CENPS: variants seen among roughly 807,000 people sequenced by gnomAD.
CENPS encodes FANCM associated histone fold protein 1.
A neutral mutation model predicts 17.9 loss-of-function variants in CENPS; 16 were observed. That is an observed-to-expected ratio of 0.90 (90% CI 0.61 to 1.36). The LOEUF (loss-of-function observed/expected upper bound fraction) is 1.36. Ranked by LOEUF, CENPS falls within the 40% of genes most tolerant of loss-of-function variation. CENPS has a pLI of 0.00. For missense variants in CENPS, 160 were observed against 158.6 expected (o/e 1.01, Z -0.05); for synonymous variants, 49 against 55.8 (o/e 0.88, Z 0.54).
intron 2 of CENPS, among the ~76,000 whole-genome samples, 190 bp from the exon 3 acceptor site, chr1:10,434,467 G>A (rs918576942): frequency 7.9e-5 from 12 of 152,200 alleles, no homozygotes; most frequent in African/African-American, 2.4e-4. Flanking sequence ...CAAGGAGATC[G>A]TCATGAATAA....
chr1:10,436,718 AAAAG>A (rs1218394364), intron 3 of CENPS, among the ~76,000 whole-genome samples: 2 of 112,260 alleles, frequency 1.8e-5, no homozygotes, highest in Non-Finnish European at 1.9e-5. Flanking sequence ...TAAAAAAAAA[AAAAG>A]AAAAGAAAAG....
At chr1:10,434,074 A>C (rs990011526) in intron 2 of CENPS, 109 bp downstream of exon 2, 5 of 1,548,798 alleles carry the variant, frequency 3.2e-6, no homozygotes, top group Non-Finnish European at 3.5e-6. Context: ...CAGACCAAGA[A>C]TATTATCATC....
intron 3 of CENPS, among the ~76,000 whole-genome samples, chr1:10,438,364 C>T (rs552151613): frequency 3.3e-5 from 5 of 152,236 alleles, no homozygotes; most frequent in East Asian, 1.9e-4. Context: ...AGTCTGGCCT[C>T]GAACTCCTGA....
intron 1 of CENPS, chr1:10,431,312 T>G: frequency 6.5e-7 from 1 of 1,535,172 alleles, no homozygotes; most frequent in Non-Finnish European, 8.7e-7. Context: ...CGCGGGAGTT[T>G]CCTCTCTACA....
At chr1:10,433,667 C>T (rs1159427638) in intron 1 of CENPS, among the ~76,000 whole-genome samples, 175 bp from the exon 2 acceptor site, 2 of 152,146 alleles carry the variant, frequency 1.3e-5, no homozygotes, top group East Asian at 1.9e-4. Context: ...TTCCACAAGT[C>T]GCACTCCAGT....
intron 2 of CENPS, 38 bp from the exon 3 acceptor site, chr1:10,434,619 A>G: frequency 6.2e-7 from 1 of 1,601,156 alleles, no homozygotes; most frequent in South Asian, 1.1e-5. Context: ...ATTAGATGGG[A>G]GGGTGCCTAA....
chr1:10,430,697 ATG>A, intron 1 of CENPS, 129 bp downstream of exon 1: 1 of 1,383,356 alleles, frequency 7.2e-7, no homozygotes, highest in Non-Finnish European at 9.3e-7. Context: ...GCGGCTGCGC[ATG>A]CGTTGGCTTA....
At chr1:10,434,600 G>A in intron 2 of CENPS, 57 bp from the exon 3 acceptor site, 2 of 1,598,948 alleles carry the variant, frequency 1.3e-6, no homozygotes, top group Non-Finnish European at 8.5e-7. Context: ...CACTTTTTCT[G>A]CTTCTGAAAT....
At position 10,442,590 on chromosome 1, in the gene CENPS, T is replaced by C; in HGVS notation, c.*185T>C. The C allele has an allele frequency of 9.2e-7, 1 of 1,092,808 alleles. No homozygotes were observed. Among genetic ancestry groups the C allele is most frequent in the Non-Finnish European group, 1.2e-6 (1 of 850,338 alleles). 67.7% of individuals were successfully genotyped at this position (1,092,808 alleles called of 1,614,324 possible). A position where few individuals can be genotyped will look rare whatever the true frequency, so the allele number is the denominator to read the frequency against. Reference sequence around the variant, plus strand: ...AACTGCCAAAGCTAGTTTTAGAGAATGAGAAAGTCTTAAGCAAAATACTCC... The same window carrying C: ...AACTGCCAAAGCTAGTTTTAGAGAACGAGAAAGTCTTAAGCAAAATACTCC... On this transcript the variant is annotated 3_prime_UTR_variant, in exon 5 of 5. Coordinates refer to ENST00000309048, the MANE Select transcript of CENPS (RefSeq NM_199294.3).
chr1:10,433,697 G>A (rs1640024199), intron 1 of CENPS, 145 bp from the exon 2 acceptor site: 2 of 1,448,760 alleles, frequency 1.4e-6, no homozygotes, highest in Admixed American at 2.3e-5. Context: ...TAACTTATTA[G>A]TACACTTGAA....
intron 1 of CENPS, among the ~76,000 whole-genome samples, chr1:10,432,098 T>C (rs1204966259): frequency 1.3e-5 from 2 of 152,028 alleles, no homozygotes; most frequent in African/African-American, 4.8e-5. Context: ...TGGTTTTTGT[T>C]TTTTTTGAAA....
intron 3 of CENPS, 95 bp from the exon 4 acceptor site, chr1:10,440,252 C>A: frequency 6.7e-7 from 1 of 1,492,762 alleles, no homozygotes; most frequent in South Asian, 1.3e-5. Flanking sequence ...TTAGAGATCC[C>A]TGCTAGTTTG....
At chr1:10,431,178 C>T in intron 1 of CENPS, 1 of 1,474,276 alleles carries the variant, frequency 6.8e-7, no homozygotes, top group African/African-American at 1.4e-5. Flanking sequence ...TCGTTCCTTT[C>T]ATCAGCGCCG....
At chr1:10,430,632 G>A (rs752481025) in intron 1 of CENPS, 64 bp downstream of exon 1, 2 of 1,496,534 alleles carry the variant, frequency 1.3e-6, no homozygotes, top group Non-Finnish European at 1.8e-6. Context: ...GGACAGAAAA[G>A]TACCCGGCAG....
intron 3 of CENPS, among the ~76,000 whole-genome samples, chr1:10,436,390 C>T (rs768756195): frequency 4.0e-5 from 6 of 151,370 alleles, no homozygotes; most frequent in Non-Finnish European, 7.4e-5. Context: ...CAAGGAAGGG[C>T]GACATCTTTT....
rs1441334409 is a variant in CENPS at position 10,442,431 on chromosome 1, G to A, written c.*26G>A. On this transcript the variant is annotated 3_prime_UTR_variant, in exon 5 of 5. Transcript: ENST00000309048. ...AGTCCCTCGCCGCTTGGAAAGTGCA[G>A]CCTTCTACAGGTAGAGCCACCTAGA... 1 of 1,542,714 alleles carries A rather than the reference G, an allele frequency of 6.5e-7. No homozygotes were observed. The highest frequency in any genetic ancestry group is 2.4e-5 in the Admixed American group (1 of 42,228).
At position 10,435,468 on chromosome 1, in the gene CENPS, A is replaced by G. The variant is rs373633778; in HGVS notation, c.209+778A>G. Among the ~76,000 whole-genome samples the G allele has an allele frequency of 6.1e-4, 93 of 151,750 alleles. No individual in the cohort carries two copies. The Middle Eastern group carries it at 0.01, about 17-fold the overall frequency. On this transcript the variant is annotated intron_variant, in intron 3 of 4. Transcript: ENST00000309048. Reference sequence around the variant, plus strand: ...TGGGTTCTCGGAGGGCAAGCTCTCAATCTGTCCTATTCCTGTGGATATTCG... The same window carrying G: ...TGGGTTCTCGGAGGGCAAGCTCTCAGTCTGTCCTATTCCTGTGGATATTCG...
chr1:10,436,946 T>C (rs547124833), intron 3 of CENPS, among the ~76,000 whole-genome samples: 2 of 152,266 alleles, frequency 1.3e-5, no homozygotes, highest in African/African-American at 2.4e-5. Flanking sequence ...CTGAATAAAA[T>C]TGATATTCCT....
intron 2 of CENPS, 44 bp from the exon 3 acceptor site, chr1:10,434,613 G>A (rs1640065770): frequency 6.2e-7 from 1 of 1,601,328 alleles, no homozygotes; most frequent in African/African-American, 1.4e-5. Flanking sequence ...TCTGAAATTA[G>A]ATGGGAGGGT....
Sources: allele counts gnomAD v4.1 joint callset (sites outside exome capture counted in the v4.1 genomes callset), GRCh38; gene constraint gnomAD v4.1.1; transcripts MANE v1.5; gene names NCBI Gene and HGNC (gene_info 2026-07-23, HGNC 2026-07-21).